Variants in CRISPLD2 observed in about 807,000 individuals in gnomAD.
CRISPLD2 encodes cysteine rich secretory protein LCCL domain containing 2, also known as cysteine-rich secretory protein LCCL domain-containing 2.
Under a neutral mutation model 71.1 loss-of-function variants are expected in CRISPLD2, and 47 were observed. The ratio of observed to expected loss-of-function variants is 0.66; its 90% CI spans 0.52 to 0.84. CRISPLD2 has a LOEUF of 0.84. Among genes scored for constraint, CRISPLD2 ranks in the 40% least tolerant of loss-of-function variants. CRISPLD2 has a pLI of 0.00. For synonymous variants in CRISPLD2, 317 were observed against 250.1 expected (o/e 1.27, Z -2.52); for missense variants, 830 against 651.1 (o/e 1.27, Z -2.99).
At chr16:84,854,705 G>C (rs376944221) in intron 5 of CRISPLD2, 24 bp from the exon 6 acceptor site, 1 of 1,590,890 alleles carries the variant, frequency 6.3e-7, no homozygotes, top group Non-Finnish European at 8.6e-7. Context: ...TCCCTCTGAC[G>C]GTTGTTTTTG....
chr16:84,877,298 G>A, intron 11 of CRISPLD2, 140 bp from the exon 12 acceptor site: 1 of 643,732 alleles, frequency 1.6e-6, no homozygotes, highest in Non-Finnish European at 2.7e-6. Flanking sequence ...CGAGGAGCCT[G>A]CTGGGTCGTA....
At position 84,908,313 on chromosome 16, in the gene CRISPLD2, G is replaced by C. The variant is rs2071822809; in HGVS notation, c.*1671G>C. The C allele has an allele frequency of 6.6e-6, 1 of 152,180 alleles. No homozygotes were observed. Among genetic ancestry groups the C allele is most frequent in the African/African-American group, 2.4e-5 (1 of 41,438 alleles). The allele number at this position is 152,180 out of a possible 1,614,324, so 9.4% of individuals were successfully genotyped here. On this transcript the variant is annotated 3_prime_UTR_variant, in exon 15 of 15. Coordinates refer to ENST00000262424, the MANE Select transcript of CRISPLD2 (RefSeq NM_031476.4). ...ATTGTAGTCTAGTCGTAATTCATAG[G>C]TACTGACTCCTCAGCCCCAAATGTC...
chr16:84,829,383 T>C (rs1390242909), intron 1 of CRISPLD2: 6 of 152,200 alleles, frequency 3.9e-5, no homozygotes, highest in Non-Finnish European at 8.8e-5. Flanking sequence ...TTCTGCTCAG[T>C]CAAGGGATCT....
At chr16:84,838,296 T>A (rs1457743601) in intron 1 of CRISPLD2, 126 bp from the exon 2 acceptor site, 34 of 636,164 alleles carry the variant, frequency 5.3e-5, no homozygotes, top group Admixed American at 8.7e-5. Flanking sequence ...GTTTAGCTTC[T>A]GTGGGCCTCA....
chr16:84,828,904 A>C (rs930211539), intron 1 of CRISPLD2: 1 of 152,126 alleles, frequency 6.6e-6, no homozygotes, highest in Non-Finnish European at 1.5e-5. Context: ...CAGAAATCCC[A>C]TAAGAATATA....
chr16:84,906,827 C>T lies in CRISPLD2; in HGVS notation c.*185C>T. The T allele has an allele frequency of 1.8e-5, 13 of 727,644 alleles. No homozygotes were observed. Among genetic ancestry groups the T allele is most frequent in the South Asian group, 1.7e-4 (11 of 65,576 alleles). The allele number at this position is 727,644 out of a possible 1,614,324, so 45.1% of individuals were successfully genotyped here. A position where few individuals can be genotyped will look rare whatever the true frequency, so the allele number is the denominator to read the frequency against. On this transcript the variant is annotated 3_prime_UTR_variant, in exon 15 of 15. Coordinates refer to ENST00000262424, the MANE Select transcript of CRISPLD2 (RefSeq NM_031476.4). ...ATCCCCTCACTGAAGCAACAGCATCCCAAGGTGCTCAGCCGGACTCCCTGG... is the reference window on the plus strand; with the variant it reads ...ATCCCCTCACTGAAGCAACAGCATCTCAAGGTGCTCAGCCGGACTCCCTGG...
intron 8 of CRISPLD2, among the ~76,000 whole-genome samples, chr16:84,869,498 A>G (rs1268561827): frequency 6.6e-6 from 1 of 152,260 alleles, no homozygotes; most frequent in Non-Finnish European, 1.5e-5. Context: ...TTTGGAATTC[A>G]GTTTGCCAGG....
chr16:84,903,625 A>G (rs1276848959), intron 14 of CRISPLD2, among the ~76,000 whole-genome samples: 1 of 151,186 alleles, frequency 6.6e-6, no homozygotes, highest in Non-Finnish European at 1.5e-5. Context: ...GCCCAAAGAG[A>G]CTTAGTGACT....
At chr16:84,829,084 A>G (rs929122731) in intron 1 of CRISPLD2, 1 of 152,164 alleles carries the variant, frequency 6.6e-6, no homozygotes, top group African/African-American at 2.4e-5. Context: ...AAAAAGGAAA[A>G]AAAAAAAGAA....
chr16:84,874,477 G>C (rs904411085), intron 11 of CRISPLD2, among the ~76,000 whole-genome samples: 1 of 152,152 alleles, frequency 6.6e-6, no homozygotes, highest in Non-Finnish European at 1.5e-5. Context: ...TGGGATGCAC[G>C]ATGGGCGAGC....
chr16:84,871,608 G>T (rs564354096), intron 8 of CRISPLD2, among the ~76,000 whole-genome samples: 2 of 152,090 alleles, frequency 1.3e-5, no homozygotes, highest in Admixed American at 1.3e-4. Context: ...CTGGAGTGCA[G>T]TGGCACGATC....
intron 11 of CRISPLD2, among the ~76,000 whole-genome samples, chr16:84,875,422 T>G (rs2071509881): frequency 6.7e-6 from 1 of 149,960 alleles, no homozygotes; most frequent in Non-Finnish European, 1.5e-5. Flanking sequence ...GACTTTTTTT[T>G]TTTTTTTTTT....
intron 3 of CRISPLD2, 127 bp from the exon 4 acceptor site, chr16:84,849,256 CTG>C (rs1361521468): frequency 2.2e-6 from 2 of 911,390 alleles, no homozygotes; most frequent in Non-Finnish European, 3.3e-6. Context: ...CTGCCCGTGG[CTG>C]CTCCTGGAAT....
intron 1 of CRISPLD2, chr16:84,828,270 A>G (rs1350023454): frequency 4.6e-5 from 7 of 152,164 alleles, no homozygotes; most frequent in African/African-American, 1.7e-4. Context: ...AAGGGAAAGA[A>G]ACATCATTAA....
intron 14 of CRISPLD2, among the ~76,000 whole-genome samples, chr16:84,889,930 G>C (rs921652059): frequency 6.6e-6 from 1 of 152,116 alleles, no homozygotes; most frequent in Non-Finnish European, 1.5e-5. Context: ...TTTCTTACCA[G>C]CTTTGTGACC....
Position 84,909,241 on chromosome 16 carries a change from G to C in CRISPLD2, c.*2599G>C, listed in dbSNP as rs1295108058. ...GCTTCCTTAGGAGTTTTGCCCTACC[G>C]TATTCCAAAGCGTGTGCTGGTTTCT... On this transcript the variant is annotated 3_prime_UTR_variant, in exon 15 of 15. Coordinates refer to ENST00000262424, the MANE Select transcript of CRISPLD2 (RefSeq NM_031476.4). 1 of 152,516 alleles carries C rather than the reference G, an allele frequency of 6.6e-6. No homozygotes were observed. Among genetic ancestry groups the C allele is most frequent in the Non-Finnish European group, 1.5e-5 (1 of 68,018 alleles). 9.4% of individuals were successfully genotyped at this position (152,516 alleles called of 1,614,324 possible). A position where few individuals can be genotyped will look rare whatever the true frequency, so the allele number is the denominator to read the frequency against.
At chr16:84,840,916 G>C (rs929710227) in intron 2 of CRISPLD2, among the ~76,000 whole-genome samples, 3 of 152,140 alleles carry the variant, frequency 2.0e-5, no homozygotes, top group East Asian at 3.8e-4. Flanking sequence ...TTAATCAACT[G>C]GTGAATTCTA....
intron 14 of CRISPLD2, among the ~76,000 whole-genome samples, chr16:84,900,895 C>T (rs113003847): frequency 6.6e-5 from 10 of 151,710 alleles, no homozygotes; most frequent in East Asian, 1.9e-4. Context: ...CTAAAAAATA[C>T]GAAAATTAAC....
intron 3 of CRISPLD2, among the ~76,000 whole-genome samples, chr16:84,848,522 T>C (rs1916979507): frequency 6.6e-6 from 1 of 151,350 alleles, no homozygotes; most frequent in Non-Finnish European, 1.5e-5. Context: ...GTGGTGGGCA[T>C]GAAGCGATGA....
Sources: allele counts gnomAD v4.1 joint callset (sites outside exome capture counted in the v4.1 genomes callset), GRCh38; gene constraint gnomAD v4.1.1; transcripts MANE v1.5; gene names NCBI Gene and HGNC (gene_info 2026-07-23, HGNC 2026-07-21).